Variants in TNKS2 observed in about 807,000 individuals in gnomAD.
TNKS2 encodes the protein poly [ADP-ribose] polymerase tankyrase-2.
TNKS2 carries 72 observed loss-of-function variants against 137.6 expected under a neutral mutation model. The observed-to-expected ratio is 0.52, with a 90% CI of 0.43 to 0.64. The LOEUF is 0.64. Among genes scored for constraint, TNKS2 ranks in the 30% least tolerant of loss-of-function variants. The pLI, the probability that TNKS2 is intolerant of heterozygous loss-of-function variation, is 0.00. For missense variants in TNKS2, 1,049 were observed against 1,410.2 expected (o/e 0.74, Z 4.10); for synonymous variants, 516 against 512.1 (o/e 1.01, Z -0.10).
At chr10:91,799,953 G>A (rs1367534384) in intron 1 of TNKS2, among the ~76,000 whole-genome samples, 1 of 152,222 alleles carries the variant, frequency 6.6e-6, no homozygotes, top group Admixed American at 6.5e-5. Context: ...GAGAAAAGGA[G>A]CAGTGAGAAA....
In TNKS2 at chr10:91,862,161, G is replaced by C; in HGVS notation, c.3438+6G>C. 6.4e-7 allele frequency: 1 copy of C among 1,571,778 alleles called. No individual in the cohort carries two copies. Among genetic ancestry groups the C allele is most frequent in the Non-Finnish European group, 8.6e-7 (1 of 1,160,620 alleles). On this transcript the variant is annotated splice_donor_region_variant and intron_variant, in intron 26 of 26. Transcript: ENST00000371627. ...TTATTTACAGAGGAGAACAGGTAAT[G>C]TAGTTTTATTTGTTCATCTTCAAAA...
At chr10:91,819,896 A>G in intron 5 of TNKS2, 43 bp from the exon 6 acceptor site, 2 of 1,429,274 alleles carry the variant, frequency 1.4e-6, no homozygotes, top group South Asian at 1.3e-5. Flanking sequence ...ATTTTATTCA[A>G]CCATTATTTG....
Position 91,863,121 on chromosome 10 carries a change from A to T in TNKS2, c.*122A>T. ...CCCACAGGCCTGTGGCAAAAGGATAAAAATGTGAACGAAGTTTAACATTCT... is the reference window on the plus strand; with the variant it reads ...CCCACAGGCCTGTGGCAAAAGGATATAAATGTGAACGAAGTTTAACATTCT... On this transcript the variant is annotated 3_prime_UTR_variant, in exon 27 of 27. Transcript: ENST00000371627. The T allele has an allele frequency of 1.6e-6, 1 of 629,620 alleles. No homozygotes were observed. The highest frequency in any genetic ancestry group is 2.8e-6 in the Non-Finnish European group (1 of 361,072). 39.0% of individuals were successfully genotyped at this position (629,620 alleles called of 1,614,324 possible).
chr10:91,812,041 A>T (rs1447379955), intron 1 of TNKS2, among the ~76,000 whole-genome samples: 1 of 148,870 alleles, frequency 6.7e-6, no homozygotes, highest in East Asian at 2.0e-4. Flanking sequence ...CCTGGGCGAC[A>T]GAGCGACACT....
At chr10:91,811,470 A>G (rs920353448) in intron 1 of TNKS2, among the ~76,000 whole-genome samples, 1 of 151,950 alleles carries the variant, frequency 6.6e-6, no homozygotes, top group African/African-American at 2.4e-5. Context: ...AGCACTTTAT[A>G]TATACATAGC....
At chr10:91,822,415 T>TA in intron 7 of TNKS2, 53 bp downstream of exon 7, 3 of 1,358,276 alleles carry the variant, frequency 2.2e-6, no homozygotes, top group Non-Finnish European at 3.1e-6. Flanking sequence ...TAAAATAACT[T>TA]GAAATACATT....
At chr10:91,843,889 C>T (rs1383964169) in intron 16 of TNKS2, among the ~76,000 whole-genome samples, 1 of 152,204 alleles carries the variant, frequency 6.6e-6, no homozygotes, top group East Asian at 1.9e-4. Flanking sequence ...TAAATTCTCA[C>T]TCCATGTAAG....
chr10:91,840,055 G>A (rs948816579), intron 13 of TNKS2, among the ~76,000 whole-genome samples: 8 of 152,054 alleles, frequency 5.3e-5, no homozygotes, highest in African/African-American at 1.4e-4. Context: ...AAAGGCATAC[G>A]TGAGACCAGG....
In TNKS2 at chr10:91,828,277, T is replaced by A. The variant is rs1404351492; in HGVS notation, c.983-8T>A. ...CGTTATACATGTAAATGCTTTTTCT[T>A]CATCTAGATGAATTTAAAGGCCACT... On this transcript the variant is annotated splice_region_variant and splice_polypyrimidine_tract_variant and intron_variant, in intron 8 of 26. Transcript: ENST00000371627. 1.3e-6 allele frequency: 2 copies of A among 1,557,024 alleles called. No individual in the cohort carries two copies. Among genetic ancestry groups the A allele is most frequent in the Non-Finnish European group, 1.7e-6 (2 of 1,155,688 alleles).
intron 2 of TNKS2, among the ~76,000 whole-genome samples, chr10:91,814,514 A>T (rs1414393627): frequency 2.0e-5 from 3 of 152,218 alleles, no homozygotes; most frequent in African/African-American, 7.2e-5. Flanking sequence ...ATGTATTATA[A>T]TATACTAGGC....
In TNKS2 at chr10:91,855,065, G is replaced by A; in HGVS notation, c.2852G>A (p.Ser951Asn). 1.9e-6 allele frequency: 3 copies of A among 1,611,814 alleles called. No individual in the cohort carries two copies. The highest frequency in any genetic ancestry group is 8.5e-7 in the Non-Finnish European group (1 of 1,178,384). Residue 951 changes from serine (S) to asparagine (N), a missense_variant, in exon 22 of 27, where the codon AGT (serine) becomes AAT (asparagine). Physicochemically the swap from Ser to Asn is conservative, Grantham distance 46. Transcript: ENST00000371627. The stretch of plus-strand genomic sequence containing the variant: ...TATTTAACTTTGAACACCTCTGGTA[G>A]TGGAACAATTCTTATAGATCTGTCT... ...NPYLTLNTSG[S>N]GTILIDLSPD...
intron 13 of TNKS2, among the ~76,000 whole-genome samples, chr10:91,840,069 G>A (rs1313497299): frequency 6.6e-6 from 1 of 152,188 alleles, no homozygotes; most frequent in African/African-American, 2.4e-5. Context: ...GACCAGGCAC[G>A]GTGGCTCACA....
chr10:91,821,930 A>G (rs1844904083), intron 6 of TNKS2, among the ~76,000 whole-genome samples: 1 of 152,196 alleles, frequency 6.6e-6, no homozygotes, highest in Admixed American at 6.5e-5. Flanking sequence ...TTAATGGTGA[A>G]ACTTACCTTT....
intron 7 of TNKS2, among the ~76,000 whole-genome samples, chr10:91,825,033 C>G (rs1286761636): frequency 6.6e-6 from 1 of 151,930 alleles, no homozygotes; most frequent in Admixed American, 6.6e-5. Context: ...CTCTGCACAC[C>G]CAAACCACAC....
intron 1 of TNKS2, among the ~76,000 whole-genome samples, chr10:91,803,582 C>T (rs966170112): frequency 1.2e-4 from 18 of 152,106 alleles, no homozygotes; most frequent in African/African-American, 3.6e-4. Flanking sequence ...TGCAGTGAGC[C>T]GAGATTGCGC....
chr10:91,818,174 CAAAAG>C (rs1273733462), intron 3 of TNKS2, among the ~76,000 whole-genome samples: 2 of 152,156 alleles, frequency 1.3e-5, no homozygotes, highest in Non-Finnish European at 2.9e-5. Context: ...TCTTGGGCCT[CAAAAG>C]AAGCATTGCC....
At chr10:91,803,674 A>G (rs1180919684) in intron 1 of TNKS2, among the ~76,000 whole-genome samples, 1 of 152,200 alleles carries the variant, frequency 6.6e-6, no homozygotes, top group Admixed American at 6.5e-5. Context: ...CATTCCTCAG[A>G]AAAAATGTGT....
intron 22 of TNKS2, 76 bp downstream of exon 22, chr10:91,855,202 TC>T (rs1216279355): frequency 1.2e-5 from 11 of 923,694 alleles, no homozygotes; most frequent in Non-Finnish European, 1.9e-5. Flanking sequence ...TTCTTTTTCT[TC>T]CTTTAGTTTG....
chr10:91,844,215 A>G (rs1564623861), intron 16 of TNKS2, among the ~76,000 whole-genome samples: 1 of 152,232 alleles, frequency 6.6e-6, no homozygotes. Flanking sequence ...GTTAAATACC[A>G]TACCTTGAGA....
Sources: gnomAD v4.1 joint callset for allele counts (sites outside exome capture counted in the v4.1 genomes callset) on GRCh38, gnomAD v4.1.1 for gene constraint, MANE v1.5 for transcripts, NCBI Gene and HGNC (gene_info 2026-07-23, HGNC 2026-07-21) for gene names.